The following NTN4 variants were observed in gnomAD, a reference collection of about 807,000 sequenced individuals.
NTN4 encodes the protein netrin-4.
Under a neutral mutation model 73.6 loss-of-function variants are expected in NTN4, and 32 were observed. That is an observed-to-expected ratio of 0.44 (90% CI 0.33 to 0.58). The LOEUF is 0.58. Ranked by LOEUF, NTN4 falls within the 20% of genes least tolerant of loss-of-function variation. The probability of loss-of-function intolerance (pLI) is 0.04; values close to 1 mark genes in which losing one functional copy is unlikely to be tolerated. For synonymous variants in NTN4, 258 were observed against 287.5 expected (o/e 0.90, Z 1.04); for missense variants, 654 against 798.3 (o/e 0.82, Z 2.18).
intron 2 of NTN4, among the ~76,000 whole-genome samples, chr12:95,752,862 A>C (rs1450525942): frequency 4.6e-5 from 7 of 152,066 alleles, no homozygotes; most frequent in Non-Finnish European, 1.0e-4. Flanking sequence ...ATCACAAACT[A>C]TGCTCAACTC....
In NTN4 at chr12:95,673,104, C is replaced by G; in HGVS notation, c.1511-2958G>C. The stretch of plus-strand genomic sequence containing the variant: ...GCGGACTACTGTCCCCAGGAGCACC[C>G]TCCTTGCCTGGTGTGTCCCTCTGCT... On this transcript the variant is annotated intron_variant, in intron 7 of 9. Coordinates refer to ENST00000343702, the MANE Select transcript of NTN4 (RefSeq NM_021229.4). 7 of 1,164,048 alleles carry G rather than the reference C, an allele frequency of 6.0e-6. No homozygotes were observed. The South Asian group carries it at 8.6e-5, about 14-fold the overall frequency. 72.1% of individuals were successfully genotyped at this position (1,164,048 alleles called of 1,614,324 possible).
At chr12:95,746,351 T>G (rs2078862423) in intron 2 of NTN4, among the ~76,000 whole-genome samples, 2 of 151,692 alleles carry the variant, frequency 1.3e-5, no homozygotes, top group Admixed American at 6.6e-5. Flanking sequence ...TTAACTTTTT[T>G]GCCTACTTTA....
chr12:95,706,138 A>G (rs901457833), intron 5 of NTN4, among the ~76,000 whole-genome samples: 1 of 152,192 alleles, frequency 6.6e-6, no homozygotes, highest in African/African-American at 2.4e-5. Context: ...AGTAACTACT[A>G]ACAAGAGGTC....
intron 3 of NTN4, among the ~76,000 whole-genome samples, chr12:95,720,798 G>A (rs1565895876): frequency 6.6e-6 from 1 of 152,166 alleles, no homozygotes; most frequent in Non-Finnish European, 1.5e-5. Flanking sequence ...TAAGCTCAAG[G>A]AATGTGGGTC....
At chr12:95,661,143 G>A (rs1217661859) in intron 9 of NTN4, among the ~76,000 whole-genome samples, 1 of 152,096 alleles carries the variant, frequency 6.6e-6, no homozygotes, top group Non-Finnish European at 1.5e-5. Context: ...TAAAAAATGA[G>A]AAAGCCAGAG....
intron 5 of NTN4, among the ~76,000 whole-genome samples, chr12:95,690,810 A>G (rs917995347): frequency 2.0e-5 from 3 of 152,176 alleles, no homozygotes; most frequent in African/African-American, 7.2e-5. Context: ...GCCAGAAGAA[A>G]GATATTATAA....
Position 95,727,720 on chromosome 12 carries a change from A to T in NTN4, c.864+10146T>A, listed in dbSNP as rs79799882. ...ACTATAGATTTGAGGTAAGCTTTGA[A>T]ATTGGAAAGTGTGAGTTCTCCAACT... On this transcript the variant is annotated intron_variant, in intron 3 of 9. Coordinates refer to ENST00000343702, the MANE Select transcript of NTN4 (RefSeq NM_021229.4). Among the ~76,000 whole-genome samples, 1,453 of 152,228 alleles carry T rather than the reference A, an allele frequency of 9.5e-3. 28 individuals carry two copies. Among genetic ancestry groups the T allele is most frequent in the African/African-American group, 0.033 (1,362 of 41,538 alleles).
intron 3 of NTN4, among the ~76,000 whole-genome samples, chr12:95,726,116 A>G (rs1221175481): frequency 6.6e-6 from 1 of 151,902 alleles, no homozygotes; most frequent in East Asian, 1.9e-4. Context: ...CTGAGATAAC[A>G]TTCACGTAAC....
intron 1 of NTN4, among the ~76,000 whole-genome samples, chr12:95,787,788 T>C (rs555133451): frequency 6.6e-6 from 1 of 152,192 alleles, no homozygotes; most frequent in Non-Finnish European, 1.5e-5. Context: ...GGGTGAAGAT[T>C]ATTGGCCTAA....
chr12:95,745,058 T>C lies in NTN4; in HGVS notation c.586-6914A>G, dbSNP rs573136678. On this transcript the variant is annotated intron_variant, in intron 2 of 9. Transcript: ENST00000343702. ...CTCTGTACGTAATGTGCCATTTTTT[T>C]CTCTGGCTGCTTTTAAGGTTTTCTT... Among the ~76,000 whole-genome samples the C allele has an allele frequency of 2.0e-5, 3 of 152,238 alleles. No individual in the cohort carries two copies. The South Asian group carries it at 6.2e-4, about 32-fold the overall frequency.
In NTN4 at chr12:95,777,890, T is replaced by C. The variant is rs1176076332; in HGVS notation, c.585+9049A>G. On this transcript the variant is annotated intron_variant, in intron 2 of 9. Coordinates refer to ENST00000343702, the MANE Select transcript of NTN4 (RefSeq NM_021229.4). ...TCTTCTCAGCACCACATCGCACTTATTCCAAAATTGACCACATAGCTGGAA... is the reference window on the plus strand; with the variant it reads ...TCTTCTCAGCACCACATCGCACTTACTCCAAAATTGACCACATAGCTGGAA... 2.8e-5 allele frequency among the ~76,000 whole-genome samples: 4 copies of C among 143,694 alleles called. No homozygotes were observed. The East Asian group carries it at 8.1e-4, about 29-fold the overall frequency. 94.3% of individuals were successfully genotyped at this position (143,694 alleles called of 152,430 possible).
intron 5 of NTN4, among the ~76,000 whole-genome samples, chr12:95,693,203 G>T (rs537865310): frequency 1.3e-5 from 2 of 151,846 alleles, no homozygotes; most frequent in Non-Finnish European, 2.9e-5. Context: ...TGTAGATAAT[G>T]ACAGGGCAGT....
intron 2 of NTN4, among the ~76,000 whole-genome samples, chr12:95,769,884 G>A (rs1321744513): frequency 6.6e-6 from 1 of 150,576 alleles, no homozygotes; most frequent in Non-Finnish European, 1.5e-5. Flanking sequence ...AGCCTCCCAA[G>A]TAGCTGGGAT....
At chr12:95,776,273 C>T (rs922667109) in intron 2 of NTN4, among the ~76,000 whole-genome samples, 22 of 152,208 alleles carry the variant, frequency 1.4e-4, no homozygotes, top group African/African-American at 3.9e-4. Context: ...TCCAAAGGAA[C>T]GCAGCTCCTC....
At chr12:95,753,806 A>G (rs868503846) in intron 2 of NTN4, among the ~76,000 whole-genome samples, 3,528 of 151,074 alleles carry the variant, frequency 0.023, 116 homozygotes, top group African/African-American at 0.082. Flanking sequence ...CAGCCAATTT[A>G]AGCTCCTGTA....
chr12:95,771,347 T>C (rs1323206447), intron 2 of NTN4, among the ~76,000 whole-genome samples: 2 of 152,164 alleles, frequency 1.3e-5, no homozygotes, highest in African/African-American at 4.8e-5. Flanking sequence ...ACAGAAACTG[T>C]TGTATTCTAC....
At chr12:95,732,240 CTGTCTT>C (rs1212749540) in intron 3 of NTN4, among the ~76,000 whole-genome samples, 4 of 82,628 alleles carry the variant, frequency 4.8e-5, no homozygotes, top group Non-Finnish European at 1.3e-4. Context: ...CTTTCTTTCT[CTGTCTT>C]TCTTTCTTTC....
At chr12:95,734,775 C>T (rs2078762791) in intron 3 of NTN4, among the ~76,000 whole-genome samples, 1 of 152,152 alleles carries the variant, frequency 6.6e-6, no homozygotes, top group Non-Finnish European at 1.5e-5. Flanking sequence ...TGTGGTGGCT[C>T]ACACCTGTAA....
chr12:95,680,908 G>A (rs981943893), intron 7 of NTN4, among the ~76,000 whole-genome samples: 4 of 152,128 alleles, frequency 2.6e-5, no homozygotes, highest in African/African-American at 7.2e-5. Flanking sequence ...AGTATATAAC[G>A]GCCGGGCGCG....
Sources: allele counts gnomAD v4.1 joint callset (sites outside exome capture counted in the v4.1 genomes callset), GRCh38; gene constraint gnomAD v4.1.1; transcripts MANE v1.5; gene names NCBI Gene and HGNC (gene_info 2026-07-23, HGNC 2026-07-21).